Variants in GPHN observed in about 807,000 individuals in gnomAD.
GPHN encodes gephyrin.
A neutral mutation model predicts 95.5 loss-of-function variants in GPHN; 17 were observed. The observed-to-expected ratio is 0.18, with a 90% CI of 0.12 to 0.27. The LOEUF is 0.27. Among genes scored for constraint, GPHN ranks in the 10% least tolerant of loss-of-function variants. The pLI is 1.00. For synonymous variants in GPHN, 320 were observed against 322.5 expected (o/e 0.99, Z 0.08); for missense variants, 660 against 978.1 (o/e 0.67, Z 4.34).
chr14:66,987,969 C>T (rs1380908611), intron 9 of GPHN, among the ~76,000 whole-genome samples: 2 of 152,024 alleles, frequency 1.3e-5, no homozygotes, highest in Admixed American at 1.3e-4. Context: ...CAGAGATCAC[C>T]TAGAAGGCAA....
intron 1 of GPHN, among the ~76,000 whole-genome samples, chr14:66,632,042 A>G (rs2063835659): frequency 6.6e-6 from 1 of 152,214 alleles, no homozygotes. Flanking sequence ...TTTCTGGTCA[A>G]TAAAATAAAT....
chr14:67,219,082 G>T, the GPHN span, among the ~76,000 whole-genome samples: 1 of 152,024 alleles, frequency 6.6e-6, no homozygotes, highest in Non-Finnish European at 1.5e-5. Flanking sequence ...TCAAGCAGCA[G>T]TTTGGCTCAC....
the GPHN span, among the ~76,000 whole-genome samples, chr14:67,708,386 A>G: frequency 6.6e-6 from 1 of 152,112 alleles, no homozygotes; most frequent in Non-Finnish European, 1.5e-5. Context: ...TAAGGTTACA[A>G]TCTCCAAAGT....
intron 19 of GPHN, among the ~76,000 whole-genome samples, chr14:67,161,187 G>A (rs565969487): frequency 3.3e-5 from 5 of 152,216 alleles, no homozygotes; most frequent in East Asian, 3.9e-4. Context: ...CCAGCTACAC[G>A]GGAGGCTGAG....
chr14:66,874,542 C>T (rs1293709075), intron 4 of GPHN, among the ~76,000 whole-genome samples: 1 of 152,084 alleles, frequency 6.6e-6, no homozygotes, highest in South Asian at 2.1e-4. Flanking sequence ...ACTAGAATAA[C>T]CAGTTTAGAG....
chr14:67,732,982 G>A, the GPHN span, among the ~76,000 whole-genome samples: 2 of 152,104 alleles, frequency 1.3e-5, no homozygotes, highest in Non-Finnish European at 2.9e-5. Context: ...AACATGGGGG[G>A]AGCGGGGAGG....
chr14:67,540,730 T>A, the GPHN span, among the ~76,000 whole-genome samples: 2 of 152,226 alleles, frequency 1.3e-5, no homozygotes, highest in Non-Finnish European at 2.9e-5. Context: ...ACCAAATTTA[T>A]ACTTTTTGGG....
At chr14:67,168,392 A>G (rs148727909) in intron 20 of GPHN, among the ~76,000 whole-genome samples, 74 of 152,286 alleles carry the variant, frequency 4.9e-4, no homozygotes, top group African/African-American at 1.8e-3. Context: ...TATGAATTCA[A>G]TCCATAACAG....
At chr14:67,478,955 T>C in the GPHN span, among the ~76,000 whole-genome samples, 1 of 152,206 alleles carries the variant, frequency 6.6e-6, no homozygotes, top group Non-Finnish European at 1.5e-5. Context: ...TAACTCCGAT[T>C]CTGCAAAGGC....
At chr14:66,622,389 A>T (rs1214364106) in intron 1 of GPHN, among the ~76,000 whole-genome samples, 1 of 152,150 alleles carries the variant, frequency 6.6e-6, no homozygotes. Flanking sequence ...GCTGCCATGA[A>T]GACCTGTGAC....
the GPHN span, among the ~76,000 whole-genome samples, chr14:67,342,874 A>C: frequency 6.6e-6 from 1 of 152,138 alleles, no homozygotes; most frequent in Non-Finnish European, 1.5e-5. Context: ...TATTGAGCAA[A>C]AAGTACCATC....
At chr14:66,708,695 C>G (rs1271969080) in intron 2 of GPHN, among the ~76,000 whole-genome samples, 4 of 152,014 alleles carry the variant, frequency 2.6e-5, no homozygotes, top group Non-Finnish European at 5.9e-5. Context: ...TTGCCAGATC[C>G]TGTTTTAGAA....
At chr14:66,944,889 G>A (rs2067651845) in intron 8 of GPHN, among the ~76,000 whole-genome samples, 2 of 152,242 alleles carry the variant, frequency 1.3e-5, no homozygotes, top group South Asian at 2.1e-4. Flanking sequence ...CCCAGCCCTG[G>A]CAGGGAGAGG....
At chr14:66,628,868 T>C (rs1307014170) in intron 1 of GPHN, among the ~76,000 whole-genome samples, 2 of 151,266 alleles carry the variant, frequency 1.3e-5, no homozygotes, top group African/African-American at 2.4e-5. Context: ...AAAACCAGCA[T>C]GGGGAAGATA....
chr14:66,894,580 C>G (rs1452949003), intron 5 of GPHN, among the ~76,000 whole-genome samples: 1 of 152,118 alleles, frequency 6.6e-6, no homozygotes, highest in Admixed American at 6.5e-5. Context: ...AGGCAGCCTA[C>G]AGAATGGGAG....
At chr14:67,701,718 G>A in the GPHN span, among the ~76,000 whole-genome samples, 1 of 152,106 alleles carries the variant, frequency 6.6e-6, no homozygotes, top group African/African-American at 2.4e-5. Flanking sequence ...CACCACGCCA[G>A]GCCTATTATG....
In GPHN at chr14:67,082,969, G is replaced by A. The variant is rs544019758; in HGVS notation, c.1145-6014G>A. ...ATAATTATGCTCAAGTTTTTGTGTG[G>A]CATTTGTTTTCACTTATTTTCAGTT... On this transcript the variant is annotated intron_variant, in intron 11 of 22. Transcript: ENST00000478722. Among the ~76,000 whole-genome samples the A allele has an allele frequency of 5.3e-5, 8 of 152,184 alleles. No individual in the cohort carries two copies. In the East Asian group the frequency reaches 1.5e-3, roughly 29 times the overall value.
chr14:66,969,954 T>C (rs1278118297), intron 9 of GPHN: 1 of 152,038 alleles, frequency 6.6e-6, no homozygotes, highest in African/African-American at 2.4e-5. Flanking sequence ...AAACACTAAT[T>C]TTATTATCGT....
the GPHN span, chr14:67,383,506 C>G: frequency 6.3e-7 from 1 of 1,595,402 alleles, no homozygotes. Context: ...AAATCCTAGA[C>G]TTGAAAGTTT....
Sources: gnomAD v4.1 joint callset for allele counts (sites outside exome capture counted in the v4.1 genomes callset) on GRCh38, gnomAD v4.1.1 for gene constraint, MANE v1.5 for transcripts, NCBI Gene and HGNC (gene_info 2026-07-23, HGNC 2026-07-21) for gene names.